Variants in TAB2 observed in about 807,000 individuals in gnomAD.
The protein encoded by TAB2 is TGF-beta activated kinase 1 (MAP3K7) binding protein 2.
In TAB2, 3 loss-of-function variants were observed where a neutral mutation model predicts 65.0. The observed-to-expected ratio is 0.05, with a 90% CI of 0.02 to 0.12. TAB2 has a LOEUF of 0.12. Ranked by LOEUF, TAB2 falls within the 10% of genes least tolerant of loss-of-function variation. TAB2 has a pLI of 1.00. For missense variants in TAB2, 623 were observed against 840.3 expected (o/e 0.74, Z 3.20); for synonymous variants, 298 against 285.1 (o/e 1.05, Z -0.46).
chr6:149,344,589 G>T (rs1429722212), intron 1 of TAB2, among the ~76,000 whole-genome samples: 2 of 152,132 alleles, frequency 1.3e-5, no homozygotes, highest in Non-Finnish European at 2.9e-5. Flanking sequence ...ATGGGAGATG[G>T]AGCTATGTCA....
At chr6:149,253,932 AAGAAAGAAAG>A (rs764375697) in intron 1 of TAB2, among the ~76,000 whole-genome samples, 22 of 138,644 alleles carry the variant, frequency 1.6e-4, no homozygotes, top group Admixed American at 8.6e-4. Context: ...GAAAGAAAGA[AAGAAAGAAAG>A]AGAAAGAAAG....
At chr6:149,357,348 G>A (rs553973235) in intron 1 of TAB2, among the ~76,000 whole-genome samples, 51 of 150,656 alleles carry the variant, frequency 3.4e-4, no homozygotes, top group African/African-American at 1.1e-3. Flanking sequence ...CCCAGGAGGC[G>A]GAGGTTGCAG....
chr6:149,312,376 T>C (rs1315753818), intron 1 of TAB2, among the ~76,000 whole-genome samples: 1 of 152,190 alleles, frequency 6.6e-6, no homozygotes, highest in Non-Finnish European at 1.5e-5. Flanking sequence ...TATTTATTTA[T>C]TTATTGAGAT....
intron 1 of TAB2, among the ~76,000 whole-genome samples, chr6:149,253,617 CAAA>C (rs1170705031): frequency 1.5e-5 from 1 of 65,276 alleles, no homozygotes; most frequent in African/African-American, 6.5e-5. Flanking sequence ...AAGACTGTCT[CAAA>C]AAAAAAAAAA....
intron 6 of TAB2, chr6:149,400,278 C>T: frequency 1.7e-6 from 2 of 1,195,862 alleles, no homozygotes; most frequent in Non-Finnish European, 1.2e-6. Context: ...CGCACCCTCT[C>T]CCTCATCCAC....
intron 1 of TAB2, among the ~76,000 whole-genome samples, chr6:149,222,943 CA>C (rs1052346903): frequency 2.9e-4 from 44 of 151,804 alleles, no homozygotes; most frequent in South Asian, 1.5e-3. Flanking sequence ...CAAAGTTAAC[CA>C]AAAAAAGAGA....
chr6:149,322,127 T>G (rs1178910260), intron 1 of TAB2, among the ~76,000 whole-genome samples: 1 of 152,156 alleles, frequency 6.6e-6, no homozygotes, highest in East Asian at 1.9e-4. Flanking sequence ...GAGCACTTAT[T>G]ATGTGCTAGG....
chr6:149,397,568 T>C (rs1209354506), intron 3 of TAB2, 36 bp from the exon 4 acceptor site: 1 of 1,612,404 alleles, frequency 6.2e-7, no homozygotes, highest in Non-Finnish European at 8.5e-7. Context: ...TTGATTAAAG[T>C]GGGTGGGTCC....
chr6:149,297,187 T>G (rs1778891241), intron 1 of TAB2, among the ~76,000 whole-genome samples: 1 of 152,092 alleles, frequency 6.6e-6, no homozygotes, highest in Admixed American at 6.6e-5. Context: ...ACCCAATACT[T>G]TATCACATAT....
At chr6:149,298,071 A>G (rs1243565786) in intron 1 of TAB2, among the ~76,000 whole-genome samples, 2 of 152,172 alleles carry the variant, frequency 1.3e-5, no homozygotes, top group Non-Finnish European at 2.9e-5. Flanking sequence ...AGAGTCACCA[A>G]CTTAAAATAC....
intron 1 of TAB2, among the ~76,000 whole-genome samples, chr6:149,261,596 A>G (rs1041447430): frequency 3.3e-5 from 5 of 152,220 alleles, no homozygotes; most frequent in African/African-American, 1.2e-4. Flanking sequence ...TAAAGTGATG[A>G]CAAAATCCCA....
intron 1 of TAB2, chr6:149,346,546 C>T (rs1339068813): frequency 6.7e-6 from 1 of 149,072 alleles, no homozygotes; most frequent in African/African-American, 2.5e-5. Flanking sequence ...CTCCGCCTCC[C>T]GAGTTCAAGC....
intron 1 of TAB2, among the ~76,000 whole-genome samples, chr6:149,303,928 C>T (rs1162300541): frequency 6.6e-6 from 1 of 152,116 alleles, no homozygotes; most frequent in Non-Finnish European, 1.5e-5. Context: ...GCTGAAGGTT[C>T]AAAAGATGAA....
At chr6:149,261,902 T>C (rs932690218) in intron 1 of TAB2, among the ~76,000 whole-genome samples, 1 of 152,238 alleles carries the variant, frequency 6.6e-6, no homozygotes, top group African/African-American at 2.4e-5. Flanking sequence ...CAGCAGTAGC[T>C]CTGAATCCAA....
At chr6:149,373,773 T>G (rs1443116434) in intron 2 of TAB2, among the ~76,000 whole-genome samples, 2 of 152,198 alleles carry the variant, frequency 1.3e-5, no homozygotes, top group Non-Finnish European at 2.9e-5. Flanking sequence ...ATCCCACCCC[T>G]TTTGATACAC....
intron 1 of TAB2, among the ~76,000 whole-genome samples, chr6:149,242,331 C>T (rs1777615105): frequency 6.6e-6 from 1 of 152,160 alleles, no homozygotes; most frequent in South Asian, 2.1e-4. Context: ...CTCAAATAAT[C>T]ACCCAGGGTT....
intron 1 of TAB2, among the ~76,000 whole-genome samples, chr6:149,352,718 A>G (rs565968978): frequency 1.4e-3 from 210 of 152,328 alleles, no homozygotes; most frequent in South Asian, 7.3e-3. Context: ...TTGAAGAAAC[A>G]TTCAGATAAG....
chr6:149,336,667 G>A (rs1459104604), intron 1 of TAB2, among the ~76,000 whole-genome samples: 1 of 152,086 alleles, frequency 6.6e-6, no homozygotes, highest in African/African-American at 2.4e-5. Flanking sequence ...AGGTGAAATT[G>A]GAATTGGTTT....
chr6:149,232,935 C>T (rs770950880), intron 1 of TAB2, among the ~76,000 whole-genome samples: 12 of 152,154 alleles, frequency 7.9e-5, no homozygotes, highest in South Asian at 4.1e-4. Context: ...TCCCTCACAG[C>T]GACCTGTGTG....
Sources: gnomAD v4.1 joint callset for allele counts (sites outside exome capture counted in the v4.1 genomes callset) on GRCh38, gnomAD v4.1.1 for gene constraint, MANE v1.5 for transcripts, NCBI Gene and HGNC (gene_info 2026-07-23, HGNC 2026-07-21) for gene names.